The following ADAMTS2 variants were observed in gnomAD, a reference collection of about 807,000 sequenced individuals.
ADAMTS2 encodes the protein A disintegrin and metalloproteinase with thrombospondin motifs 2.
ADAMTS2 carries 50 observed loss-of-function variants against 123.0 expected under a neutral mutation model. The ratio of observed to expected loss-of-function variants is 0.41; its 90% CI spans 0.32 to 0.51. The LOEUF (loss-of-function observed/expected upper bound fraction) is 0.51, where lower values mean the gene tolerates loss of function less well. ADAMTS2 is among the 20% of genes least tolerant of loss of function. The pLI is 0.35. For missense variants in ADAMTS2, 1,494 were observed against 1,705.2 expected (o/e 0.88, Z 2.18); for synonymous variants, 678 against 695.4 (o/e 0.98, Z 0.39).
At chr5:179,259,776 TG>T (rs2113485674) in intron 3 of ADAMTS2, among the ~76,000 whole-genome samples, 1 of 152,302 alleles carries the variant, frequency 6.6e-6, no homozygotes, top group Admixed American at 6.5e-5. Flanking sequence ...TGCTTGGGCC[TG>T]GAAGGAAGGG....
In ADAMTS2 at chr5:179,242,866, C is replaced by T. The variant is rs768479604; in HGVS notation, c.688+30045G>A. Among the ~76,000 whole-genome samples the T allele has an allele frequency of 3.6e-4, 55 of 152,252 alleles. No individual in the cohort carries two copies. The highest frequency in any genetic ancestry group is 5.6e-4 in the Non-Finnish European group (38 of 68,022). On this transcript the variant is annotated intron_variant, in intron 3 of 21. Coordinates refer to ENST00000251582, the MANE Select transcript of ADAMTS2 (RefSeq NM_014244.5). This position sits in a 1 kb window ranked among gnomAD's most constrained non-coding sequence, Gnocchi z 4.2. The stretch of plus-strand genomic sequence containing the variant: ...AGGGTAACTCCCTGCTGAGTGTGAC[C>T]GAAAGGCCGGAGCACCTTCCTCCAC...
intron 2 of ADAMTS2, among the ~76,000 whole-genome samples, chr5:179,321,370 C>T (rs1010468890): frequency 6.6e-6 from 1 of 152,206 alleles, no homozygotes; most frequent in Non-Finnish European, 1.5e-5. Context: ...CCTCCACTCC[C>T]TTGCCTCTCA....
In ADAMTS2 at chr5:179,238,993, G is replaced by A. The variant is rs141168031; in HGVS notation, c.689-31278C>T. Among the ~76,000 whole-genome samples the A allele has an allele frequency of 2.3e-3, 349 of 152,066 alleles. 4 individuals are homozygous for A. Among genetic ancestry groups the A allele is most frequent in the Middle Eastern group, 0.014 (4 of 294 alleles). The stretch of plus-strand genomic sequence containing the variant: ...TGGAAGGTGGTGGGGGAGGAAGGAC[G>A]ACAGCTAAGGGGTGTGGGGTCTTTG... On this transcript the variant is annotated intron_variant, in intron 3 of 21. Coordinates refer to ENST00000251582, the MANE Select transcript of ADAMTS2 (RefSeq NM_014244.5).
chr5:179,148,332 C>T (rs1202252689), intron 10 of ADAMTS2, among the ~76,000 whole-genome samples: 1 of 152,160 alleles, frequency 6.6e-6, no homozygotes, highest in Non-Finnish European at 1.5e-5. Context: ...AGCATGTGGG[C>T]TGCTCATGGC....
rs1374510958 is a variant in ADAMTS2, at chr5:179,137,934, C to T, written c.1786G>A (p.Gly596Arg). ...GCAAGGCCCGAGCAGGTGCGGCCCC[C>T]GTTGGCCGGGCTGGAGGAGAAAGCA... ...RQCDNPHPAN[G>R]GRTCSGLAYD... Residue 596 changes from glycine to arginine, a missense_variant, in exon 12 of 22, where the codon GGG becomes AGG. By Grantham distance (125) the Gly-to-Arg change is moderately radical. Around this residue, in one of 6 missense-constraint regions of ADAMTS2, gnomAD observed 953 missense variants for 1,124.7 expected, o/e 0.85. Coordinates refer to ENST00000251582, the MANE Select transcript of ADAMTS2 (RefSeq NM_014244.5). 3.2e-6 allele frequency: 5 copies of T among 1,547,270 alleles called. No homozygotes were observed. Among genetic ancestry groups the T allele is most frequent in the South Asian group, 1.2e-5 (1 of 84,124 alleles).
intron 2 of ADAMTS2, among the ~76,000 whole-genome samples, chr5:179,299,345 C>T (rs1292601944): frequency 3.3e-4 from 6 of 17,940 alleles, no homozygotes; most frequent in South Asian, 5.0e-3. Flanking sequence ...CTGGCTAACA[C>T]GGTGAAATCC....
At chr5:179,259,624 G>A (rs528609237) in intron 3 of ADAMTS2, among the ~76,000 whole-genome samples, 72 of 152,360 alleles carry the variant, frequency 4.7e-4, no homozygotes, top group African/African-American at 1.7e-3. Context: ...GCACCAAACA[G>A]GCCTGTGGCA....
Position 179,202,181 on chromosome 5 carries a change from C to G in ADAMTS2, c.891+5332G>C, listed in dbSNP as rs1764582870. ...CCTCTGGAAGACTGCGGCGGCCGGC[C>G]TTGCCGGCCCCGACTTCCCCTACCT... is the stretch of plus-strand genomic sequence containing the variant. On this transcript the variant is annotated intron_variant, in intron 4 of 21. Coordinates refer to ENST00000251582, the MANE Select transcript of ADAMTS2 (RefSeq NM_014244.5). The surrounding 1 kb of genome is among the most constrained non-coding windows in gnomAD (Gnocchi z 4.0). Among the ~76,000 whole-genome samples, 1 of 152,050 alleles carries G rather than the reference C, an allele frequency of 6.6e-6. No individual in the cohort carries two copies. Among genetic ancestry groups the G allele is most frequent in the South Asian group, 2.1e-4 (1 of 4,822 alleles).
Position 179,263,471 on chromosome 5 carries a change from G to A in ADAMTS2, c.688+9440C>T, listed in dbSNP as rs142716654. 1.4e-3 allele frequency among the ~76,000 whole-genome samples: 217 copies of A among 152,336 alleles called. 4 individuals are homozygous for A. The highest frequency in any genetic ancestry group is 5.0e-3 in the African/African-American group (207 of 41,570). Reference sequence around the variant, plus strand: ...CCGGCCTTTTCCCAACCAGACCAGCGCACCAGCCACCTCTCCACACAGGCC... The same window carrying A: ...CCGGCCTTTTCCCAACCAGACCAGCACACCAGCCACCTCTCCACACAGGCC... On this transcript the variant is annotated intron_variant, in intron 3 of 21. Transcript: ENST00000251582.
chr5:179,301,409 T>C (rs1020085237), intron 2 of ADAMTS2, among the ~76,000 whole-genome samples: 1 of 152,252 alleles, frequency 6.6e-6, no homozygotes, highest in Non-Finnish European at 1.5e-5. Flanking sequence ...GCAAAGGAAG[T>C]GAGCTCAGTA....
chr5:179,174,038 A>G (rs1434329045), intron 5 of ADAMTS2, among the ~76,000 whole-genome samples: 1 of 151,936 alleles, frequency 6.6e-6, no homozygotes, highest in Non-Finnish European at 1.5e-5. Flanking sequence ...AAGAAAGAAA[A>G]AAAGAACATT....
rs1766061798 is a variant in ADAMTS2, at chr5:179,256,640, G to C, written c.688+16271C>G. 6.6e-6 allele frequency among the ~76,000 whole-genome samples: 1 copy of C among 152,096 alleles called. No homozygotes were observed. Among genetic ancestry groups the C allele is most frequent in the African/African-American group, 2.4e-5 (1 of 41,342 alleles). Reference sequence around the variant, plus strand: ...AACCAGGCAGGCGGGGCCAGCATGAGTGGGGGGGCCAGGCACGAATCGGCA... The same window carrying C: ...AACCAGGCAGGCGGGGCCAGCATGACTGGGGGGGCCAGGCACGAATCGGCA... On this transcript the variant is annotated intron_variant, in intron 3 of 21. Coordinates refer to ENST00000251582, the MANE Select transcript of ADAMTS2 (RefSeq NM_014244.5). This position sits in a 1 kb window ranked among gnomAD's most constrained non-coding sequence, Gnocchi z 4.1.
intron 3 of ADAMTS2, among the ~76,000 whole-genome samples, chr5:179,208,523 G>A (rs1261396155): frequency 2.6e-5 from 4 of 152,124 alleles, no homozygotes; most frequent in Non-Finnish European, 5.9e-5. Flanking sequence ...TGGCCACTTG[G>A]GGCTGCCATC....
intron 2 of ADAMTS2, among the ~76,000 whole-genome samples, chr5:179,281,734 TC>T (rs980781246): frequency 6.6e-6 from 1 of 152,196 alleles, no homozygotes; most frequent in African/African-American, 2.4e-5. Flanking sequence ...TGCCAGACTG[TC>T]CTCTACAGGG....
At chr5:179,259,131 C>T (rs946432766) in intron 3 of ADAMTS2, among the ~76,000 whole-genome samples, 8 of 152,164 alleles carry the variant, frequency 5.3e-5, no homozygotes, top group Non-Finnish European at 7.3e-5. Context: ...GTGATCTGAC[C>T]TCCAGTCCCC....
At chr5:179,306,959 T>A (rs1050798651) in intron 2 of ADAMTS2, among the ~76,000 whole-genome samples, 3 of 152,074 alleles carry the variant, frequency 2.0e-5, no homozygotes, top group African/African-American at 7.2e-5. Context: ...GGCAGGGCAG[T>A]CTTCTGCTGG....
chr5:179,169,449 C>T (rs1017015311), intron 5 of ADAMTS2, among the ~76,000 whole-genome samples: 2 of 152,226 alleles, frequency 1.3e-5, no homozygotes, highest in African/African-American at 4.8e-5. Context: ...AGTGTCCAGC[C>T]TTAGTGCCTC....
intron 2 of ADAMTS2, among the ~76,000 whole-genome samples, chr5:179,315,626 C>T (rs1170891662): frequency 6.6e-6 from 1 of 152,202 alleles, no homozygotes; most frequent in Non-Finnish European, 1.5e-5. Context: ...TCTAGAGACG[C>T]CGTACCCAGG....
chr5:179,125,530 G>A (rs917679608), intron 18 of ADAMTS2, among the ~76,000 whole-genome samples: 3 of 152,138 alleles, frequency 2.0e-5, no homozygotes, highest in Non-Finnish European at 4.4e-5. Flanking sequence ...TTCTGCTGAC[G>A]TCACAAATCC....
Sources: gnomAD v4.1 joint callset for allele counts (sites outside exome capture counted in the v4.1 genomes callset) on GRCh38, gnomAD v4.1.1 for gene constraint, gnomAD v4.1.1 regional missense constraint, Gnocchi (gnomAD v3.1) non-coding constraint, MANE v1.5 for transcripts, NCBI Gene and HGNC (gene_info 2026-07-23, HGNC 2026-07-21) for gene names.